CACNA2D4: variants seen among roughly 807,000 people sequenced by gnomAD.
The protein encoded by CACNA2D4 is voltage-dependent calcium channel subunit alpha-2/delta-4.
CACNA2D4 carries 157 observed loss-of-function variants against 163.8 expected under a neutral mutation model. The ratio of observed to expected loss-of-function variants is 0.96; its 90% CI spans 0.84 to 1.09. The LOEUF (loss-of-function observed/expected upper bound fraction) is 1.09. CACNA2D4 is among the 50% of genes least tolerant of loss of function. The pLI is 0.00. For synonymous variants in CACNA2D4, 598 were observed against 586.9 expected, an observed-to-expected ratio of 1.02 and a Z score of -0.27; for missense variants, 1,410 against 1,479.9, an observed-to-expected ratio of 0.95 and a Z score of 0.78.
chr12:1,865,091 C>T (rs952232139), intron 18 of CACNA2D4, among the ~76,000 whole-genome samples: 2 of 152,204 alleles, frequency 1.3e-5, no homozygotes, highest in African/African-American at 4.8e-5. Flanking sequence ...CGCTGGCCGG[C>T]AGGCAGGCCC....
At chr12:1,865,386 C>A (rs1275363407) in intron 18 of CACNA2D4, among the ~76,000 whole-genome samples, 8 of 152,204 alleles carry the variant, frequency 5.3e-5, no homozygotes, top group Admixed American at 5.2e-4. Context: ...ATGAGCTGGA[C>A]GCTGTCACGT....
At chr12:1,892,877 A>T (rs1592739022) in intron 6 of CACNA2D4, among the ~76,000 whole-genome samples, 1 of 152,206 alleles carries the variant, frequency 6.6e-6, no homozygotes, top group African/African-American at 2.4e-5. Flanking sequence ...TCAAAAACAG[A>T]TACAGAAAAA....
intron 9 of CACNA2D4, among the ~76,000 whole-genome samples, chr12:1,885,520 A>G (rs762258887): frequency 6.6e-6 from 1 of 152,184 alleles, no homozygotes; most frequent in African/African-American, 2.4e-5. Context: ...GGAATCTATG[A>G]TGTGCAAAAG....
At chr12:1,816,919 G>A (rs548947707) in intron 26 of CACNA2D4, among the ~76,000 whole-genome samples, 6 of 152,290 alleles carry the variant, frequency 3.9e-5, no homozygotes, top group East Asian at 1.9e-4. Flanking sequence ...GCACACATAC[G>A]TACACACACA....
At chr12:1,911,317 A>AT (rs926103974) in intron 3 of CACNA2D4, among the ~76,000 whole-genome samples, 26 of 151,370 alleles carry the variant, frequency 1.7e-4, no homozygotes, top group East Asian at 5.8e-4. Context: ...GCCTGGCACA[A>AT]TTTTTTTTTC....
chr12:1,915,790 G>A (rs565137242), intron 1 of CACNA2D4, among the ~76,000 whole-genome samples: 171 of 152,202 alleles, frequency 1.1e-3, no homozygotes, highest in Non-Finnish European at 2.3e-3. Context: ...CAGGGCTGGG[G>A]CTGAGCCTCT....
At chr12:1,826,706 C>CGG (rs34310582) in intron 26 of CACNA2D4, among the ~76,000 whole-genome samples, 1 of 152,080 alleles carries the variant, frequency 6.6e-6, no homozygotes, top group East Asian at 1.9e-4. Flanking sequence ...CTGCCCTTGC[C>CGG]GGGGGCAGAG....
Position 1,886,285 on chromosome 12 carries a change from T to G in CACNA2D4, c.931A>C (p.Lys311Gln). Residue 311 changes from lysine (K) to glutamine (Q), a missense_variant, in exon 8 of 38, where the codon AAG becomes CAG. Transcript: ENST00000382722. ...SMKGLRMTIA[K>Q]HTITTILDTL... ...TCCAAGATGGTGGTGATGGTGTGCT[T>G]GGCAATAGTCATCCTCAGCCCCTTC... 6.2e-7 allele frequency: 1 copy of G among 1,613,744 alleles called. No individual in the cohort carries two copies. Among genetic ancestry groups the G allele is most frequent in the Non-Finnish European group, 8.5e-7 (1 of 1,179,668 alleles).
intron 6 of CACNA2D4, among the ~76,000 whole-genome samples, chr12:1,907,108 G>A (rs1212228589): frequency 6.6e-6 from 1 of 152,212 alleles, no homozygotes; most frequent in Admixed American, 6.5e-5. Flanking sequence ...TTCCAATTGG[G>A]ACATAAAGTC....
intron 29 of CACNA2D4, among the ~76,000 whole-genome samples, chr12:1,803,943 A>G (rs759303251): frequency 1.2e-4 from 18 of 152,318 alleles, no homozygotes; most frequent in Middle Eastern, 3.4e-3. Flanking sequence ...AAGGCAGTGG[A>G]CATGGCAGCG....
intron 6 of CACNA2D4, among the ~76,000 whole-genome samples, chr12:1,896,792 T>C (rs981749680): frequency 1.3e-5 from 2 of 152,208 alleles, no homozygotes; most frequent in South Asian, 2.1e-4. Context: ...ATGATGCCAC[T>C]ACCTAGAATT....
At position 1,887,088 on chromosome 12, in the gene CACNA2D4, G is replaced by A. The variant is rs755184822; in HGVS notation, c.782-19C>T. 2.1e-5 allele frequency: 32 copies of A among 1,555,354 alleles called. No homozygotes were observed. Among genetic ancestry groups the A allele is most frequent in the Non-Finnish European group, 2.1e-5 (24 of 1,141,470 alleles). On this transcript the variant is annotated intron_variant, in intron 6 of 37. Coordinates refer to ENST00000382722, the MANE Select transcript of CACNA2D4 (RefSeq NM_172364.5). ...TTTATACCTGGGAGAATAAAGACTC[G>A]TTCTTTTACTAGCTTGGTGAGGCCA...
At chr12:1,794,874 C>T (rs1360759007) in intron 37 of CACNA2D4, among the ~76,000 whole-genome samples, 1 of 152,138 alleles carries the variant, frequency 6.6e-6, no homozygotes, top group African/African-American at 2.4e-5. Flanking sequence ...CCAAAAGTCC[C>T]AACCCTCTAA....
intron 31 of CACNA2D4, 131 bp from the exon 32 acceptor site, chr12:1,800,569 G>A (rs1021996018): frequency 1.3e-5 from 11 of 842,008 alleles, no homozygotes; most frequent in Non-Finnish European, 1.9e-5. Context: ...GGGCAGCAGA[G>A]CACAGGCCAG....
rs146752598 is a variant in CACNA2D4 at position 1,840,774 on chromosome 12, G to A, written c.2516C>T (p.Ala839Val). ...PMVVTASTAV[A>V]VTVDKRTAIA... Reference sequence around the variant, plus strand: ...GGCTGTCCTCTTGTCCACGGTCACCGCCACAGCTGTGCTTGCCGTCACCAC... The same window carrying A: ...GGCTGTCCTCTTGTCCACGGTCACCACCACAGCTGTGCTTGCCGTCACCAC... The change falls in exon 26 of 38, where the codon GCG becomes GTG. Residue 839 changes from alanine to valine, a missense_variant. Coordinates refer to ENST00000382722, the MANE Select transcript of CACNA2D4 (RefSeq NM_172364.5). 2.0e-4 allele frequency: 319 copies of A among 1,613,888 alleles called. 4 individuals carry two copies. In the East Asian group the frequency reaches 3.9e-3, roughly 20 times the overall value.
Position 1,849,489 on chromosome 12 carries a change from G to A in CACNA2D4, c.2247-2800C>T, listed in dbSNP as rs558432580. On this transcript the variant is annotated intron_variant, in intron 23 of 37. Transcript: ENST00000382722. Reference sequence around the variant, plus strand: ...TCTAAAGCCCCTTGAAAGAATTCCCGTATGTTCGATTATTTAATGAACTTG... The same window carrying A: ...TCTAAAGCCCCTTGAAAGAATTCCCATATGTTCGATTATTTAATGAACTTG... 5.3e-4 allele frequency among the ~76,000 whole-genome samples: 81 copies of A among 152,246 alleles called. 1 individual carries two copies. Among genetic ancestry groups the A allele is most frequent in the East Asian group, 2.7e-3 (14 of 5,182 alleles).
chr12:1,860,259 C>T, intron 18 of CACNA2D4, 53 bp from the exon 19 acceptor site: 2 of 1,417,956 alleles, frequency 1.4e-6, no homozygotes, highest in South Asian at 1.2e-5. Context: ...CGGCCCCCAG[C>T]CCCCACCTCG....
Position 1,918,582 on chromosome 12 carries a change from C to A in CACNA2D4, c.-109G>T. On this transcript the variant is annotated 5_prime_UTR_variant, in exon 1 of 38. Coordinates refer to ENST00000382722, the MANE Select transcript of CACNA2D4 (RefSeq NM_172364.5). ...TCTCAGTCCTGGGTGGGGAGGGCTT[C>A]TCTCTGCCCCACAGCTGCAGCTCAC... is the stretch of plus-strand genomic sequence containing the variant. 1.3e-6 allele frequency: 1 copy of A among 783,672 alleles called. No individual in the cohort carries two copies. The allele number at this position is 783,672 out of a possible 1,614,324, so 48.5% of individuals were successfully genotyped here.
chr12:1,794,259 G>A (rs1251850394), intron 37 of CACNA2D4, among the ~76,000 whole-genome samples: 4 of 152,200 alleles, frequency 2.6e-5, no homozygotes, highest in African/African-American at 4.8e-5. Flanking sequence ...CCTAGGAAGC[G>A]TGGCTCTTCG....
Sources: gnomAD v4.1 joint callset for allele counts (sites outside exome capture counted in the v4.1 genomes callset) on GRCh38, gnomAD v4.1.1 for gene constraint, MANE v1.5 for transcripts, NCBI Gene and HGNC (gene_info 2026-07-23, HGNC 2026-07-21) for gene names.